Variants in PSORS1C1 observed in about 807,000 individuals in gnomAD.
The protein encoded by PSORS1C1 is psoriasis susceptibility 1 candidate gene 1 protein.
Under a neutral mutation model 9.4 loss-of-function variants are expected in PSORS1C1, and 7 were observed. That is an observed-to-expected ratio of 0.75 (90% CI 0.42 to 1.40). PSORS1C1 has a LOEUF of 1.40. Ranked by LOEUF, PSORS1C1 falls within the 40% of genes most tolerant of loss-of-function variation. PSORS1C1 has a pLI of 0.01. For synonymous variants in PSORS1C1, 63 were observed against 69.4 expected (o/e 0.91, Z 0.46); for missense variants, 146 against 178.1 (o/e 0.82, Z 1.02).
At chr6:31,121,820 T>C (rs1772477387) in intron 1 of PSORS1C1, among the ~76,000 whole-genome samples, 1 of 152,248 alleles carries the variant, frequency 6.6e-6, no homozygotes, top group African/African-American at 2.4e-5. Flanking sequence ...TGCTGTCCGA[T>C]ACGGTAGCCA....
In PSORS1C1 at chr6:31,114,902, C is replaced by T. The variant is rs1460935519; in HGVS notation, c.-229+11C>T. 1.1e-5 allele frequency: 5 copies of T among 440,744 alleles called. No homozygotes were observed. The highest frequency in any genetic ancestry group is 6.4e-5 in the African/African-American group (3 of 46,760). The allele number at this position is 440,744 out of a possible 1,614,324, so 27.3% of individuals were successfully genotyped here. On this transcript the variant is annotated intron_variant, in intron 1 of 5. Coordinates refer to ENST00000259881, the MANE Select transcript of PSORS1C1 (RefSeq NM_014068.3). ...GATGGCATCTAGAAGGTGAGGAATG[C>T]TAATGGTGGAAGAAAAGGAGTTTGG...
intron 3 of PSORS1C1, among the ~76,000 whole-genome samples, chr6:31,136,982 C>G (rs1318892105): frequency 2.6e-5 from 4 of 151,302 alleles, no homozygotes; most frequent in African/African-American, 7.3e-5. Flanking sequence ...AACCCCATCT[C>G]TACTAAAATA....
chr6:31,132,782 G>A (rs1386835056), intron 3 of PSORS1C1, among the ~76,000 whole-genome samples: 2 of 151,888 alleles, frequency 1.3e-5, no homozygotes, highest in South Asian at 2.1e-4. Flanking sequence ...CCAGGAGGTT[G>A]AGACTGCAAT....
At chr6:31,133,624 C>T (rs4084091) in intron 3 of PSORS1C1, 36,376 of 152,196 alleles carry the variant, frequency 0.24, 5,314 homozygotes, top group African/African-American at 0.41. Flanking sequence ...TCTGAACTCA[C>T]GGCGTTTACT....
intron 3 of PSORS1C1, among the ~76,000 whole-genome samples, chr6:31,131,751 G>A (rs1772922339): frequency 6.6e-6 from 1 of 152,170 alleles, no homozygotes. Context: ...GCCTGTTTCT[G>A]TCTTCTGTGA....
chr6:31,132,158 G>A (rs3132570), intron 3 of PSORS1C1, among the ~76,000 whole-genome samples: 42,338 of 152,094 alleles, frequency 0.28, 6,292 homozygotes, highest in East Asian at 0.39. Context: ...AGGATCGCTT[G>A]GGTCCAGGCT....
At chr6:31,116,134 A>C in intron 1 of PSORS1C1, 1 of 1,610,638 alleles carries the variant, frequency 6.2e-7, no homozygotes, top group South Asian at 1.1e-5. Context: ...GCGGCAGGGG[A>C]TCTTTCCAGC....
rs573452202 is a variant in PSORS1C1, at chr6:31,132,390, C to T, written c.13+2745C>T. Among the ~76,000 whole-genome samples, 539 of 152,122 alleles carry T rather than the reference C, an allele frequency of 3.5e-3. 2 individuals are homozygous for T. Among genetic ancestry groups the T allele is most frequent in the Middle Eastern group, 0.017 (5 of 294 alleles). ...TACAAAAATTAGCTGGGCATAGTGG[C>T]GCATGCCTGTAATCCCAGCTACTCA... On this transcript the variant is annotated intron_variant, in intron 3 of 5. Coordinates refer to ENST00000259881, the MANE Select transcript of PSORS1C1 (RefSeq NM_014068.3).
chr6:31,129,403 C>T (rs1772812365), intron 2 of PSORS1C1, among the ~76,000 whole-genome samples, 166 bp from the exon 3 acceptor site: 1 of 152,176 alleles, frequency 6.6e-6, no homozygotes, highest in African/African-American at 2.4e-5. Flanking sequence ...AATGGGTTTC[C>T]CTCTGCAAAT....
In PSORS1C1 at chr6:31,139,808, AG is replaced by A; in HGVS notation, c.336del (p.Gln112HisfsTer40). Reference sequence around the variant, plus strand: ...GCTCCGGAAGAAGCTGCCAGGCTCCAGCAACCTCAGCCCCTTCCTCCTCCCT... The same window carrying A: ...GCTCCGGAAGAAGCTGCCAGGCTCCACAACCTCAGCCCCTTCCTCCTCCCT... ...PMAPEEAARL[Q>X]QPQPLPPPSG... On this transcript the variant is annotated frameshift_variant, in exon 6 of 6. Transcript: ENST00000259881. LOFTEE classifies it low-confidence loss of function (END_TRUNC). This position sits in a 1 kb window ranked among gnomAD's most constrained non-coding sequence, Gnocchi z 5.2. 6.2e-7 allele frequency: 1 copy of A among 1,613,058 alleles called. No individual in the cohort carries two copies. The highest frequency in any genetic ancestry group is 8.5e-7 in the Non-Finnish European group (1 of 1,180,018).
chr6:31,139,670 C>T lies in PSORS1C1; in HGVS notation c.197C>T (p.Ser66Phe), dbSNP rs2233943. 80 of 1,612,766 alleles carry T rather than the reference C, an allele frequency of 5.0e-5. No individual in the cohort carries two copies. The African/African-American group carries it at 9.1e-4, about 18-fold the overall frequency. ...GCAGGGGACCTCCAAGCAATGATAT[C>T]CAAGGAATTCCATCTGGCAGCCACC... ...WHAGDLQAMI[S>F]KEFHLAATQD... Residue 66 changes from serine to phenylalanine, a missense_variant, in exon 6 of 6, where the codon TCC (serine) becomes TTC (phenylalanine). Transcript: ENST00000259881. The surrounding 1 kb of genome is among the most constrained non-coding windows in gnomAD (Gnocchi z 5.2).
chr6:31,116,114 C>G, intron 1 of PSORS1C1: 1 of 1,611,286 alleles, frequency 6.2e-7, no homozygotes, highest in Non-Finnish European at 8.5e-7. Context: ...GCTAGGATAT[C>G]CCGGATGGAG....
chr6:31,123,638 A>G (rs1772557390), intron 1 of PSORS1C1, among the ~76,000 whole-genome samples: 1 of 152,198 alleles, frequency 6.6e-6, no homozygotes, highest in South Asian at 2.1e-4. Flanking sequence ...CATGCCTTCC[A>G]TAGGCAAAAG....
chr6:31,137,637 T>C (rs909360897), intron 3 of PSORS1C1: 6 of 339,506 alleles, frequency 1.8e-5, no homozygotes, highest in Non-Finnish European at 2.6e-5. Flanking sequence ...CACAGTACCA[T>C]AGCCCTGCCC....
chr6:31,114,807 T>C lies in PSORS1C1; in HGVS notation c.-313T>C. ...GACAGGAATCTGGTTGGAGTTGTTGTGTCCCAGCCTTCCCAAGCTTCCAGG... is the reference window on the plus strand; with the variant it reads ...GACAGGAATCTGGTTGGAGTTGTTGCGTCCCAGCCTTCCCAAGCTTCCAGG... On this transcript the variant is annotated 5_prime_UTR_variant, in exon 1 of 6. Transcript: ENST00000259881. The C allele has an allele frequency of 2.2e-6, 1 of 453,266 alleles. No individual in the cohort carries two copies. Among genetic ancestry groups the C allele is most frequent in the Admixed American group, 2.4e-5 (1 of 41,906 alleles). The allele number at this position is 453,266 out of a possible 1,614,324, so 28.1% of individuals were successfully genotyped here.
chr6:31,132,293 G>A lies in PSORS1C1; in HGVS notation c.13+2648G>A, dbSNP rs148664805. On this transcript the variant is annotated intron_variant, in intron 3 of 5. Transcript: ENST00000259881. ...TCTCGACACTTTGGGAGGCCAAGGCGGGCAGATCACCTGAGGTCAGGAGTT... is the reference window on the plus strand; with the variant it reads ...TCTCGACACTTTGGGAGGCCAAGGCAGGCAGATCACCTGAGGTCAGGAGTT... Among the ~76,000 whole-genome samples, 108 of 151,708 alleles carry A rather than the reference G, an allele frequency of 7.1e-4. No individual in the cohort carries two copies. The East Asian group carries it at 8.0e-3, about 11-fold the overall frequency.
At chr6:31,126,455 A>G (rs1228208457) in intron 2 of PSORS1C1, among the ~76,000 whole-genome samples, 2 of 152,070 alleles carry the variant, frequency 1.3e-5, no homozygotes, top group South Asian at 4.1e-4. Flanking sequence ...TGTCCACACC[A>G]TCCTCTTCCT....
chr6:31,136,907 T>C (rs1226660731), intron 3 of PSORS1C1, among the ~76,000 whole-genome samples: 3 of 152,108 alleles, frequency 2.0e-5, no homozygotes, highest in Non-Finnish European at 4.4e-5. Context: ...TCCCAGCCCT[T>C]TGGGAGGCCG....
At chr6:31,116,440 G>A (rs745483723) in intron 1 of PSORS1C1, 3 of 1,590,458 alleles carry the variant, frequency 1.9e-6, no homozygotes, top group Non-Finnish European at 2.6e-6. Flanking sequence ...ACTGGAGGGA[G>A]AGCAGGGTCC....
Sources: allele counts gnomAD v4.1 joint callset (sites outside exome capture counted in the v4.1 genomes callset), GRCh38; gene constraint gnomAD v4.1.1; non-coding constraint Gnocchi (gnomAD v3.1); transcripts MANE v1.5; gene names NCBI Gene and HGNC (gene_info 2026-07-23, HGNC 2026-07-21).